ECT2L: variants seen among roughly 807,000 people sequenced by gnomAD.
ECT2L encodes epithelial cell transforming 2 like.
In ECT2L, 126 loss-of-function variants were observed where a neutral mutation model predicts 122.8. That is an observed-to-expected ratio of 1.03 (90% CI 0.89 to 1.19). ECT2L has a LOEUF of 1.19. Among genes scored for constraint, ECT2L ranks in the 50% most tolerant of loss-of-function variants. ECT2L has a pLI of 0.00. For missense variants in ECT2L, 1,012 were observed against 1,064.1 expected (o/e 0.95, Z 0.68); for synonymous variants, 385 against 381.8 (o/e 1.01, Z -0.10).
intron 10 of ECT2L, among the ~76,000 whole-genome samples, chr6:138,861,827 C>G (rs1285093327): frequency 1.3e-5 from 2 of 152,202 alleles, no homozygotes; most frequent in African/African-American, 2.4e-5. Flanking sequence ...TTTTAACCAT[C>G]ATATTCCATC....
chr6:138,800,020 C>T (rs780915999), intron 1 of ECT2L, among the ~76,000 whole-genome samples: 9 of 152,160 alleles, frequency 5.9e-5, no homozygotes, highest in East Asian at 1.9e-4. Context: ...TTACACGCCC[C>T]CCTCCCCATT....
intron 4 of ECT2L, among the ~76,000 whole-genome samples, chr6:138,818,258 G>T (rs1185556360): frequency 6.6e-6 from 1 of 152,174 alleles, no homozygotes; most frequent in African/African-American, 2.4e-5. Flanking sequence ...CTCGTCACTT[G>T]TCTCCATCAG....
intron 20 of ECT2L, among the ~76,000 whole-genome samples, chr6:138,900,633 G>A (rs143319689): frequency 7.9e-5 from 12 of 152,270 alleles, no homozygotes; most frequent in African/African-American, 2.6e-4. Flanking sequence ...CAGATACAAA[G>A]TAATTCATTT....
chr6:138,900,973 A>G lies in ECT2L; in HGVS notation c.2440A>G (p.Ser814Gly). 1 of 1,613,884 alleles carries G rather than the reference A, an allele frequency of 6.2e-7. No homozygotes were observed. Among genetic ancestry groups the G allele is most frequent in the Non-Finnish European group, 8.5e-7 (1 of 1,179,836 alleles). ...LRLYEHIHDL[S>G]LFLFNDALLV... ...GCTCTATGAACACATCCATGATCTC[A>G]GCCTTTTCCTCTTCAATGATGCCCT... The change falls in exon 21 of 22, where the codon AGC (serine) becomes GGC (glycine). Residue 814 changes from serine to glycine, a missense_variant. Ser to Gly is a moderately conservative substitution (Grantham distance 56, BLOSUM62 0). Transcript: ENST00000541398.
intron 11 of ECT2L, among the ~76,000 whole-genome samples, chr6:138,863,419 G>A (rs1180584493): frequency 6.6e-6 from 1 of 152,160 alleles, no homozygotes; most frequent in African/African-American, 2.4e-5. Flanking sequence ...ACTGGTAAGG[G>A]AAAATATTCT....
At position 138,903,429 on chromosome 6, in the gene ECT2L, T is replaced by C. The variant is rs1407969919; in HGVS notation, c.*802T>C. On this transcript the variant is annotated 3_prime_UTR_variant, in exon 22 of 22. Coordinates refer to ENST00000541398, the MANE Select transcript of ECT2L (RefSeq NM_001077706.3). ...TTTACTCAAAAACTTGTCACACTTA[T>C]CCTTAGTATGAATGTACTCCTCTAG... 3 of 151,976 alleles carry C rather than the reference T, an allele frequency of 2.0e-5. No homozygotes were observed. 9.4% of individuals were successfully genotyped at this position (151,976 alleles called of 1,614,324 possible). A position where few individuals can be genotyped will look rare whatever the true frequency, so the allele number is the denominator to read the frequency against.
At chr6:138,856,218 TCCCCCA>T (rs2128396167) in intron 10 of ECT2L, among the ~76,000 whole-genome samples, 1 of 3,594 alleles carries the variant, frequency 2.8e-4, no homozygotes, top group South Asian at 0.01. Flanking sequence ...TCTTTTTGTC[TCCCCCA>T]CCCCACCGCC....
At chr6:138,804,919 C>T (rs775120749) in intron 1 of ECT2L, among the ~76,000 whole-genome samples, 4 of 152,092 alleles carry the variant, frequency 2.6e-5, no homozygotes, top group Non-Finnish European at 5.9e-5. Context: ...AATCACAGCA[C>T]GCAGGGAAGT....
At chr6:138,819,982 G>A (rs948849698) in intron 4 of ECT2L, among the ~76,000 whole-genome samples, 3 of 152,126 alleles carry the variant, frequency 2.0e-5, no homozygotes, top group Admixed American at 2.0e-4. Flanking sequence ...AATTCAAGGT[G>A]GCTGGAGAAA....
intron 3 of ECT2L, 26 bp downstream of exon 3, chr6:138,813,366 C>A (rs1484649804): frequency 7.7e-6 from 12 of 1,555,254 alleles, no homozygotes; most frequent in African/African-American, 4.1e-5. Context: ...TAAAACAGAA[C>A]AAGTTTAATT....
intron 1 of ECT2L, among the ~76,000 whole-genome samples, chr6:138,797,057 A>T (rs2128365711): frequency 6.6e-6 from 1 of 152,356 alleles, no homozygotes; most frequent in Non-Finnish European, 1.5e-5. Context: ...CCATTTGAAA[A>T]TACCAGCACA....
In ECT2L at chr6:138,862,706, C is replaced by T. The variant is rs375186496; in HGVS notation, c.1278C>T (p.Gly426=). ...FFTAPTGIAT[G]SYQHILSDWL... ...CGGCCCCCACTGGGATTGCAACTGG[C>T]TCTTACCAGCACAGTAAGTGTTATG... The change falls in exon 11 of 22, where the codon GGC becomes GGT. Residue 426 remains glycine, a synonymous_variant. Coordinates refer to ENST00000541398, the MANE Select transcript of ECT2L (RefSeq NM_001077706.3). The T allele has an allele frequency of 3.3e-5, 54 of 1,613,990 alleles. No homozygotes were observed. Among genetic ancestry groups the T allele is most frequent in the Non-Finnish European group, 4.2e-5 (49 of 1,179,938 alleles).
chr6:138,868,181 T>C lies in ECT2L; in HGVS notation c.1553T>C (p.Leu518Ser). The C allele has an allele frequency of 6.2e-7, 1 of 1,613,440 alleles. No individual in the cohort carries two copies. Among genetic ancestry groups the C allele is most frequent in the Non-Finnish European group, 8.5e-7 (1 of 1,179,682 alleles). Residue 518 changes from leucine to serine, a missense_variant, in exon 13 of 22, where the codon TTG becomes TCG. Transcript: ENST00000541398. ...ACTGCGCAAGCTCTGGCAGATGGAT[T>C]GATGGAGTTGTCAAAAGAAGATTCT... ...QDTAQALADG[L>S]MELSKEDSER...
intron 5 of ECT2L, among the ~76,000 whole-genome samples, chr6:138,838,748 G>A (rs1776933774): frequency 1.3e-5 from 2 of 152,176 alleles, no homozygotes; most frequent in African/African-American, 4.8e-5. Context: ...TAAATACTCA[G>A]TATAATTGTT....
At position 138,882,540 on chromosome 6, in the gene ECT2L, T is replaced by C. The variant is rs578019119; in HGVS notation, c.1881-184T>C. ...TGGGATTCCACCCCGGCCAACCTAC[T>C]CCTTCACGTCCCAGTTCCCTTTCCT... On this transcript the variant is annotated intron_variant, in intron 15 of 21. Transcript: ENST00000541398. 2.0e-5 allele frequency among the ~76,000 whole-genome samples: 3 copies of C among 152,294 alleles called. No homozygotes were observed. The South Asian group carries it at 6.2e-4, about 32-fold the overall frequency.
chr6:138,898,384 A>G (rs1779284497), intron 20 of ECT2L, among the ~76,000 whole-genome samples: 1 of 152,212 alleles, frequency 6.6e-6, no homozygotes, highest in Admixed American at 6.5e-5. Context: ...GGTGACCACT[A>G]TGTTTCCATT....
At chr6:138,861,278 G>A (rs1032443663) in intron 10 of ECT2L, among the ~76,000 whole-genome samples, 6 of 152,158 alleles carry the variant, frequency 3.9e-5, no homozygotes, top group South Asian at 2.1e-4. Context: ...GGTATTTCTG[G>A]TTCTAGATCC....
intron 15 of ECT2L, among the ~76,000 whole-genome samples, chr6:138,881,645 C>T (rs1778650269): frequency 6.6e-6 from 1 of 151,734 alleles, no homozygotes; most frequent in Non-Finnish European, 1.5e-5. Flanking sequence ...ATGGTCCCGT[C>T]TTGGGATGAT....
chr6:138,869,739 G>A (rs1055627221), intron 13 of ECT2L, among the ~76,000 whole-genome samples: 1 of 152,180 alleles, frequency 6.6e-6, no homozygotes, highest in African/African-American at 2.4e-5. Context: ...CCTATAGCCT[G>A]AGGGGAACCA....
Sources: gnomAD v4.1 joint callset for allele counts (sites outside exome capture counted in the v4.1 genomes callset) on GRCh38, gnomAD v4.1.1 for gene constraint, MANE v1.5 for transcripts, NCBI Gene and HGNC (gene_info 2026-07-23, HGNC 2026-07-21) for gene names.